MAML3: variants seen among roughly 807,000 people sequenced by gnomAD.
MAML3 encodes mastermind like transcriptional coactivator 3.
In MAML3, 27 loss-of-function variants were observed where a neutral mutation model predicts 101.9. The ratio of observed to expected loss-of-function variants is 0.27; its 90% confidence interval spans 0.20 to 0.37. The LOEUF is 0.37. MAML3 is among the 10% of genes least tolerant of loss of function. MAML3 has a pLI of 1.00. For missense variants in MAML3, 1,316 were observed against 1,444.9 expected, an observed-to-expected ratio of 0.91 and a Z score of 1.45; for synonymous variants, 501 against 555.9, an observed-to-expected ratio of 0.90 and a Z score of 1.39.
chr4:139,943,864 C>CCTTTTTTTTTTTTTTTTT (rs1733652525), intron 1 of MAML3, among the ~76,000 whole-genome samples: 17 of 65,866 alleles, frequency 2.6e-4, no homozygotes, highest in Non-Finnish European at 4.3e-4. Flanking sequence ...CTAAAGACAA[C>CCTTTTTTTTTTTTTTTTT]TTTTTTTTTT....
Position 140,097,583 on chromosome 4 carries a change from G to A in MAML3, c.468+55277C>T, listed in dbSNP as rs373025551. Among the ~76,000 whole-genome samples, 6 of 151,884 alleles carry A rather than the reference G, an allele frequency of 4.0e-5. No individual in the cohort carries two copies. The South Asian group carries it at 8.3e-4, about 21-fold the overall frequency. On this transcript the variant is annotated intron_variant, in intron 1 of 4. Transcript: ENST00000509479. ...TTAAAGGGAAAATCTTCCTGAAACC[G>A]GATACTGAAGAAGGAATGTACTGAA... is the stretch of plus-strand genomic sequence containing the variant.
At chr4:139,894,810 T>C (rs1167775035) in intron 1 of MAML3, among the ~76,000 whole-genome samples, 1 of 152,166 alleles carries the variant, frequency 6.6e-6, no homozygotes, top group Non-Finnish European at 1.5e-5. Flanking sequence ...CAAGATACCA[T>C]GGTTTTGATC....
At chr4:139,918,700 GTGT>G (rs1733070472) in intron 1 of MAML3, among the ~76,000 whole-genome samples, 2 of 152,216 alleles carry the variant, frequency 1.3e-5, no homozygotes, top group African/African-American at 4.8e-5. Context: ...TCTGTCTCCA[GTGT>G]CTAGCAGAGA....
intron 1 of MAML3, among the ~76,000 whole-genome samples, chr4:140,104,395 T>TTATATAA (rs1728309949): frequency 2.6e-4 from 8 of 30,958 alleles, no homozygotes; most frequent in African/African-American, 4.7e-4. Context: ...ATATTATATA[T>TTATATAA]TATATAATAT....
rs948210980 is a variant in MAML3, at chr4:139,735,317, C to T, written c.2080-4650G>A. Among the ~76,000 whole-genome samples, 4 of 152,194 alleles carry T rather than the reference C, an allele frequency of 2.6e-5. No homozygotes were observed. Among genetic ancestry groups the T allele is most frequent in the South Asian group, 2.1e-4 (1 of 4,832 alleles). The stretch of plus-strand genomic sequence containing the variant: ...CCGTGTATCTCTGGGGTTATCTGCC[C>T]CCCTCCTCCGACTGACACTGAACTG... On this transcript the variant is annotated intron_variant, in intron 2 of 4. Coordinates refer to ENST00000509479, the MANE Select transcript of MAML3 (RefSeq NM_018717.5). This position sits in a 1 kb window ranked among gnomAD's most constrained non-coding sequence, Gnocchi z 5.8.
intron 1 of MAML3, among the ~76,000 whole-genome samples, chr4:140,126,174 T>A (rs1165928804): frequency 2.2e-5 from 3 of 134,772 alleles, no homozygotes; most frequent in Non-Finnish European, 4.7e-5. Context: ...AAGCATTGTT[T>A]AAAAAAAAAA....
rs1728417161 is a variant in MAML3 at position 140,110,140 on chromosome 4, C to A, written c.468+42720G>T. On this transcript the variant is annotated intron_variant, in intron 1 of 4. Transcript: ENST00000509479. ...GCCAGCAAGAAGGATACATGAACAA[C>A]TCTAGTTCAGCGATGATCATCTCAA... is the stretch of plus-strand genomic sequence containing the variant. Among the ~76,000 whole-genome samples the A allele has an allele frequency of 5.9e-5, 9 of 152,342 alleles. No individual in the cohort carries two copies. The South Asian group carries it at 1.9e-3, about 32-fold the overall frequency.
At chr4:139,738,868 A>G (rs1462125037) in intron 2 of MAML3, among the ~76,000 whole-genome samples, 2 of 152,342 alleles carry the variant, frequency 1.3e-5, no homozygotes, top group Admixed American at 1.3e-4. Flanking sequence ...ACATATTTTT[A>G]TGCTTATGAT....
chr4:140,018,088 T>C (rs899828276), intron 1 of MAML3, among the ~76,000 whole-genome samples: 2 of 152,186 alleles, frequency 1.3e-5, no homozygotes, highest in African/African-American at 2.4e-5. Context: ...TAAGTCTAAT[T>C]GGGTTTCTAC....
In MAML3 at chr4:139,939,623, C is replaced by T. The variant is rs142024641; in HGVS notation, c.469-48656G>A. Among the ~76,000 whole-genome samples the T allele has an allele frequency of 5.9e-5, 9 of 152,266 alleles. No homozygotes were observed. The East Asian group carries it at 1.7e-3, about 29-fold the overall frequency. The stretch of plus-strand genomic sequence containing the variant: ...TTCCATAGCACCTTGTTAATATCTC[C>T]AATGATAGCTCCCAATACATTGTTA... On this transcript the variant is annotated intron_variant, in intron 1 of 4. Coordinates refer to ENST00000509479, the MANE Select transcript of MAML3 (RefSeq NM_018717.5).
intron 2 of MAML3, among the ~76,000 whole-genome samples, chr4:139,742,681 C>T (rs1729206917): frequency 6.6e-6 from 1 of 152,126 alleles, no homozygotes; most frequent in South Asian, 2.1e-4. Context: ...TACAAATGAC[C>T]ACTTTTGCTT....
rs79738034 is a variant in MAML3, at chr4:140,034,908, C to T, written c.468+117952G>A. On this transcript the variant is annotated intron_variant, in intron 1 of 4. Transcript: ENST00000509479. The stretch of plus-strand genomic sequence containing the variant: ...GGCAGGCAAAGCAACATCTACAAAC[C>T]CCACTGGGAAACAGTTACCAGACAC... Among the ~76,000 whole-genome samples the T allele has an allele frequency of 3.6e-3, 546 of 152,266 alleles. 3 individuals are homozygous for T. The highest frequency in any genetic ancestry group is 0.012 in the African/African-American group (506 of 41,552).
chr4:139,757,035 C>T (rs1009673171), intron 2 of MAML3, among the ~76,000 whole-genome samples: 2 of 152,138 alleles, frequency 1.3e-5, no homozygotes, highest in Admixed American at 6.5e-5. Flanking sequence ...AGACTCATGC[C>T]TCTGTGTTCC....
intron 1 of MAML3, among the ~76,000 whole-genome samples, chr4:140,138,672 G>C (rs1728935879): frequency 6.6e-6 from 1 of 152,160 alleles, no homozygotes; most frequent in South Asian, 2.1e-4. Flanking sequence ...TCCCCAGTGA[G>C]AGAGGGGAAA....
chr4:139,864,180 G>A (rs773390179), intron 2 of MAML3, among the ~76,000 whole-genome samples: 2 of 152,102 alleles, frequency 1.3e-5, no homozygotes, highest in African/African-American at 2.4e-5. Context: ...AATAACAAAT[G>A]ATCATTTCAT....
chr4:140,152,524 C>T (rs1334347285), intron 1 of MAML3, among the ~76,000 whole-genome samples: 1 of 152,022 alleles, frequency 6.6e-6, no homozygotes, highest in Non-Finnish European at 1.5e-5. Flanking sequence ...CAGGGGTTCA[C>T]TCTTTCAAAT....
intron 1 of MAML3, among the ~76,000 whole-genome samples, chr4:139,992,945 T>C (rs1424316554): frequency 6.6e-6 from 1 of 152,262 alleles, no homozygotes; most frequent in Non-Finnish European, 1.5e-5. Flanking sequence ...ACTAGTAATA[T>C]TGAGCACATA....
intron 1 of MAML3, among the ~76,000 whole-genome samples, chr4:139,989,725 G>A (rs572525509): frequency 3.3e-5 from 5 of 152,086 alleles, no homozygotes; most frequent in Admixed American, 6.5e-5. Flanking sequence ...GGCCTTTAAA[G>A]GATTGGATAG....
chr4:140,113,931 C>T (rs114088067), intron 1 of MAML3, among the ~76,000 whole-genome samples: 1 of 152,288 alleles, frequency 6.6e-6, no homozygotes, highest in African/African-American at 2.4e-5. Flanking sequence ...AGTATCTGCT[C>T]CCACCCCGTT....
Sources: gnomAD v4.1 joint callset for allele counts (sites outside exome capture counted in the v4.1 genomes callset) on GRCh38, gnomAD v4.1.1 for gene constraint, Gnocchi (gnomAD v3.1) non-coding constraint, MANE v1.5 for transcripts, NCBI Gene and HGNC (gene_info 2026-07-23, HGNC 2026-07-21) for gene names.